The following ADGRL1 variants were observed in gnomAD, a reference collection of about 807,000 sequenced individuals.
The protein encoded by ADGRL1 is CIRL-1.
A neutral mutation model predicts 148.9 loss-of-function variants in ADGRL1; 31 were observed. The ratio of observed to expected loss-of-function variants is 0.21; its 90% confidence interval spans 0.16 to 0.28. The LOEUF is 0.28. ADGRL1 is among the 10% of genes least tolerant of loss of function. The probability of loss-of-function intolerance (pLI) is 1.00; values close to 1 mark genes in which losing one functional copy is unlikely to be tolerated. For missense variants in ADGRL1, 1,521 were observed against 2,058.8 expected (o/e 0.74, Z 5.05); for synonymous variants, 937 against 900.3 (o/e 1.04, Z -0.73).
Position 14,163,424 on chromosome 19 carries a change from G to A in ADGRL1, c.395-18C>T. On this transcript the variant is annotated intron_variant, in intron 4 of 22. Coordinates refer to ENST00000361434, the MANE Select transcript of ADGRL1 (RefSeq NM_014921.5). ...CACGAAGACTGGGCAGAGTGGGCGG[G>A]AGGGGAGGAGGTAGGAGAGAAGGGG... The A allele has an allele frequency of 6.6e-7, 1 of 1,517,816 alleles. No individual in the cohort carries two copies. Among genetic ancestry groups the A allele is most frequent in the Non-Finnish European group, 8.8e-7 (1 of 1,130,970 alleles). 94.0% of individuals were successfully genotyped at this position (1,517,816 alleles called of 1,614,324 possible).
At position 14,152,691 on chromosome 19, in the gene ADGRL1, C is replaced by G. The variant is rs1363784454; in HGVS notation, c.3424-78G>C. ...GTCTTTCTGAGACTGCTCACCTGAT[C>G]ATCACGATCAGAAACCTAGGCCAAG... On this transcript the variant is annotated intron_variant, in intron 19 of 22. Coordinates refer to ENST00000361434, the MANE Select transcript of ADGRL1 (RefSeq NM_014921.5). This position sits in a 1 kb window ranked among gnomAD's most constrained non-coding sequence, Gnocchi z 6.1. 1.9e-6 allele frequency: 3 copies of G among 1,596,300 alleles called. No individual in the cohort carries two copies. The highest frequency in any genetic ancestry group is 2.6e-6 in the Non-Finnish European group (3 of 1,165,660).
intron 2 of ADGRL1, among the ~76,000 whole-genome samples, chr19:14,180,716 ATT>A (rs967722977): frequency 6.6e-6 from 1 of 150,994 alleles, no homozygotes; most frequent in Non-Finnish European, 1.5e-5. Context: ...TGCCTGGCTA[ATT>A]TTTTTTTATT....
chr19:14,155,216 CA>C lies in ADGRL1; in HGVS notation c.3294+142del. On this transcript the variant is annotated intron_variant, in intron 18 of 22. Coordinates refer to ENST00000361434, the MANE Select transcript of ADGRL1 (RefSeq NM_014921.5). This position sits in a 1 kb window ranked among gnomAD's most constrained non-coding sequence, Gnocchi z 5.0. ...GCTCGTGCTCCCCTCCCGGTGGACG[CA>C]GACCTGACCACAGAAGCCCTGCAGC... The C allele has an allele frequency of 1.0e-6, 1 of 959,588 alleles. No individual in the cohort carries two copies. Among genetic ancestry groups the C allele is most frequent in the Non-Finnish European group, 1.6e-6 (1 of 641,594 alleles). The allele number at this position is 959,588 out of a possible 1,614,324, so 59.4% of individuals were successfully genotyped here.
rs1221686241 is a variant in ADGRL1 at position 14,161,396 on chromosome 19, C to T, written c.1426G>A (p.Glu476Lys). 6.3e-6 allele frequency: 10 copies of T among 1,582,182 alleles called. No homozygotes were observed. In the East Asian group the frequency reaches 1.1e-4, roughly 18 times the overall value. The change falls in exon 6 of 23, where the codon GAG (glutamate) becomes AAG (lysine). Residue 476 changes from glutamate (E) to lysine (K), a missense_variant. Coordinates refer to ENST00000361434, the MANE Select transcript of ADGRL1 (RefSeq NM_014921.5). The surrounding 1 kb of genome is among the most constrained non-coding windows in gnomAD (Gnocchi z 4.4). Reference sequence around the variant, plus strand: ...TGGACCCGCCGTACCTCTCGGGGCTCGCAGAAGAGCTCAGGGGACACGTGT... The same window carrying T: ...TGGACCCGCCGTACCTCTCGGGGCTTGCAGAAGAGCTCAGGGGACACGTGT... Reference protein sequence around the residue: ...NLHVSPELFCEPREVRRVQWP... With the variant: ...NLHVSPELFCKPREVRRVQWP...
At chr19:14,203,288 T>G (rs1972736924) in intron 1 of ADGRL1, among the ~76,000 whole-genome samples, 1 of 152,032 alleles carries the variant, frequency 6.6e-6, no homozygotes, top group Non-Finnish European at 1.5e-5. Flanking sequence ...GAGCCTTGTG[T>G]GTCCTTGGCC....
In ADGRL1 at chr19:14,156,724, G is replaced by A; in HGVS notation, c.2967C>T (p.Ala989=). ...AGTAATTGTCCACTCGGAGCCAGCA[G>A]CTGTAAAGGAAACAGGGCCGGGGTA... ...IDYRSYGTEK[A]CWLRVDNYFI... is the part of the protein sequence containing the mutation. The change falls in exon 16 of 23, where the codon GCC becomes GCT. Residue 989 remains alanine (A), a splice_region_variant and synonymous_variant. Transcript: ENST00000361434. 1.2e-6 allele frequency: 2 copies of A among 1,608,864 alleles called. No homozygotes were observed. The highest frequency in any genetic ancestry group is 2.2e-5 in the South Asian group (2 of 90,196).
At chr19:14,196,425 C>T (rs1215851898) in intron 1 of ADGRL1, among the ~76,000 whole-genome samples, 1 of 152,204 alleles carries the variant, frequency 6.6e-6, no homozygotes, top group Non-Finnish European at 1.5e-5. Context: ...TCCAGACCAG[C>T]CTGGGGAACA....
chr19:14,200,187 G>C (rs2145170480), intron 1 of ADGRL1, among the ~76,000 whole-genome samples: 1 of 152,346 alleles, frequency 6.6e-6, no homozygotes, highest in East Asian at 1.9e-4. Flanking sequence ...CCCGTGCAAA[G>C]GCCCTGGGGC....
chr19:14,171,964 G>A (rs1970501613), intron 3 of ADGRL1, among the ~76,000 whole-genome samples: 1 of 152,218 alleles, frequency 6.6e-6, no homozygotes, highest in African/African-American at 2.4e-5. Context: ...TGGGGCAGAA[G>A]AGGCCCTGTG....
intron 3 of ADGRL1, among the ~76,000 whole-genome samples, chr19:14,177,028 G>A (rs927493768): frequency 1.3e-5 from 2 of 151,818 alleles, no homozygotes; most frequent in African/African-American, 4.8e-5. Flanking sequence ...TCAGGAGTTC[G>A]AGACCTGCCT....
chr19:14,167,426 G>T (rs1378670085), intron 4 of ADGRL1, among the ~76,000 whole-genome samples: 1 of 152,026 alleles, frequency 6.6e-6, no homozygotes, highest in Non-Finnish European at 1.5e-5. Flanking sequence ...CTGGGAGGTG[G>T]GCTCCGGTCA....
intron 3 of ADGRL1, among the ~76,000 whole-genome samples, chr19:14,175,501 TAA>T (rs1170651699): frequency 6.6e-6 from 1 of 150,942 alleles, no homozygotes; most frequent in Non-Finnish European, 1.5e-5. Flanking sequence ...CACGTACACT[TAA>T]ACACACCCAA....
In ADGRL1 at chr19:14,150,000, G is replaced by A. The variant is rs923516881; in HGVS notation, c.*873C>T. ...ACAGCAATGGGGAAGGAGGAGGAGAGAGGAAGGAGTAAGAGGGCCCCCTAG... is the reference window on the plus strand; with the variant it reads ...ACAGCAATGGGGAAGGAGGAGGAGAAAGGAAGGAGTAAGAGGGCCCCCTAG... On this transcript the variant is annotated 3_prime_UTR_variant, in exon 23 of 23. Coordinates refer to ENST00000361434, the MANE Select transcript of ADGRL1 (RefSeq NM_014921.5). 1 of 149,958 alleles carries A rather than the reference G, an allele frequency of 6.7e-6. No individual in the cohort carries two copies. The highest frequency in any genetic ancestry group is 1.5e-5 in the Non-Finnish European group (1 of 67,614). 9.3% of individuals were successfully genotyped at this position (149,958 alleles called of 1,614,324 possible). A position where few individuals can be genotyped will look rare whatever the true frequency, so the allele number is the denominator to read the frequency against.
At chr19:14,184,626 A>T (rs147773401) in intron 1 of ADGRL1, among the ~76,000 whole-genome samples, 121 of 88,770 alleles carry the variant, frequency 1.4e-3, no homozygotes, top group African/African-American at 2.4e-3. Context: ...TTATTTATTT[A>T]TTTATTTATT....
chr19:14,166,012 A>G (rs780743272), intron 4 of ADGRL1, among the ~76,000 whole-genome samples: 51 of 152,016 alleles, frequency 3.4e-4, no homozygotes, highest in Non-Finnish European at 6.2e-4. Context: ...GCTCCCCCCA[A>G]TAACAGCCAG....
intron 2 of ADGRL1, among the ~76,000 whole-genome samples, chr19:14,179,732 C>A (rs1020981267): frequency 1.3e-5 from 2 of 151,206 alleles, no homozygotes; most frequent in Non-Finnish European, 2.9e-5. Flanking sequence ...CATGGTGAAA[C>A]CCCCATCTCT....
rs746126301 is a variant in ADGRL1 at position 14,152,357 on chromosome 19, C to T, written c.3601G>A (p.Glu1201Lys). The change falls in exon 21 of 23, where the codon GAG (glutamate) becomes AAG (lysine). Residue 1201 changes from glutamate (E) to lysine (K), a missense_variant. This residue lies in a region of ADGRL1 where 47 missense variants were observed against 64.6 expected (regional missense o/e 0.73). Coordinates refer to ENST00000361434, the MANE Select transcript of ADGRL1 (RefSeq NM_014921.5). The surrounding 1 kb of genome is among the most constrained non-coding windows in gnomAD (Gnocchi z 6.1). Reference sequence around the variant, plus strand: ...GAGGAGGGATTGAAGCCCACTGACTCGGCGATGAGGGTGTTGTAGGGACTG... The same window carrying T: ...GAGGAGGGATTGAAGCCCACTGACTTGGCGATGAGGGTGTTGTAGGGACTG... ...GTSPYNTLIA[E>K]SVGFNPSSPP... 31 of 1,599,666 alleles carry T rather than the reference C, an allele frequency of 1.9e-5. No homozygotes were observed. Among genetic ancestry groups the T allele is most frequent in the Non-Finnish European group, 2.5e-5 (29 of 1,171,180 alleles).
rs907545461 is a variant in ADGRL1 at position 14,158,438 on chromosome 19, G to A, written c.2264C>T (p.Ser755Phe). The A allele has an allele frequency of 5.0e-6, 8 of 1,613,692 alleles. No homozygotes were observed. Among genetic ancestry groups the A allele is most frequent in the African/African-American group, 1.3e-5 (1 of 74,938 alleles). Reference protein sequence around the residue: ...EAGPGGPGGASLVVNSQVIAA... With the variant: ...EAGPGGPGGAFLVVNSQVIAA... Reference sequence around the variant, plus strand: ...GATGACCTGTGAGTTCACCACTAGAGAGGCGCCCCCAGGGCCACCCGGGCC... The same window carrying A: ...GATGACCTGTGAGTTCACCACTAGAAAGGCGCCCCCAGGGCCACCCGGGCC... The change falls in exon 12 of 23, where the codon TCT becomes TTT. Residue 755 changes from serine to phenylalanine, a missense_variant. By Grantham distance (155) the Ser-to-Phe change is radical. Coordinates refer to ENST00000361434, the MANE Select transcript of ADGRL1 (RefSeq NM_014921.5).
At position 14,159,704 on chromosome 19, in the gene ADGRL1, G is replaced by A. The variant is rs373837463; in HGVS notation, c.1839+31C>T. 4.0e-5 allele frequency: 64 copies of A among 1,610,272 alleles called. No individual in the cohort carries two copies. Among genetic ancestry groups the A allele is most frequent in the Admixed American group, 1.5e-4 (9 of 59,990 alleles). ...AATCCCCCCATCAGCTGGAGCCCAC[G>A]GTCCTTACACTGGGACCCCCTGGGT... On this transcript the variant is annotated intron_variant, in intron 9 of 22. Coordinates refer to ENST00000361434, the MANE Select transcript of ADGRL1 (RefSeq NM_014921.5). The surrounding 1 kb of genome is among the most constrained non-coding windows in gnomAD (Gnocchi z 6.0).
Sources: gnomAD v4.1 joint callset for allele counts (sites outside exome capture counted in the v4.1 genomes callset) on GRCh38, gnomAD v4.1.1 for gene constraint, gnomAD v4.1.1 regional missense constraint, Gnocchi (gnomAD v3.1) non-coding constraint, MANE v1.5 for transcripts, NCBI Gene and HGNC (gene_info 2026-07-23, HGNC 2026-07-21) for gene names.